Variants in RYR2 observed in about 807,000 individuals in gnomAD.
RYR2 encodes ryanodine receptor 2, also known as cardiac muscle ryanodine receptor-calcium release channel.
RYR2 carries 227 observed loss-of-function variants against 601.1 expected under a neutral mutation model. That is an observed-to-expected ratio of 0.38 (90% CI 0.34 to 0.42). The LOEUF (loss-of-function observed/expected upper bound fraction) is 0.42. Among genes scored for constraint, RYR2 ranks in the 10% least tolerant of loss-of-function variants. The pLI is 1.00. For missense variants in RYR2, 4,646 were observed against 6,156.5 expected, an observed-to-expected ratio of 0.75 and a Z score of 8.21; for synonymous variants, 2,223 against 2,175.1, an observed-to-expected ratio of 1.02 and a Z score of -0.61.
intron 2 of RYR2, among the ~76,000 whole-genome samples, chr1:237,290,450 T>G (rs1692074558): frequency 6.6e-6 from 1 of 152,204 alleles, no homozygotes; most frequent in Non-Finnish European, 1.5e-5. Context: ...GATGATTAGA[T>G]GATTGTAGAA....
intron 20 of RYR2, among the ~76,000 whole-genome samples, 151 bp from the exon 21 acceptor site, chr1:237,500,559 AC>A: frequency 6.6e-6 from 1 of 152,330 alleles, no homozygotes; most frequent in African/African-American, 2.4e-5. Flanking sequence ...AAAGAGTTTA[AC>A]ATGTAACATG....
intron 29 of RYR2, among the ~76,000 whole-genome samples, chr1:237,583,804 T>A (rs1419364214): frequency 6.6e-6 from 1 of 152,164 alleles, no homozygotes; most frequent in East Asian, 1.9e-4. Context: ...TGCCCCTACA[T>A]CTTTGGGACT....
intron 2 of RYR2, among the ~76,000 whole-genome samples, chr1:237,327,048 A>G (rs1371149017): frequency 6.6e-6 from 1 of 152,228 alleles, no homozygotes; most frequent in Non-Finnish European, 1.5e-5. Context: ...GGTACAAATT[A>G]TGCTGATGAT....
At position 237,364,594 on chromosome 1, in the gene RYR2, C is replaced by T. The variant is rs76272859; in HGVS notation, c.309+222C>T. Reference sequence around the variant, plus strand: ...AATCCATGTAACTTTTCTTCACATGCTTTTAAAAGGTTTTTAAAAATCAAG... The same window carrying T: ...AATCCATGTAACTTTTCTTCACATGTTTTTAAAAGGTTTTTAAAAATCAAG... On this transcript the variant is annotated intron_variant, in intron 5 of 104. Coordinates refer to ENST00000366574, the MANE Select transcript of RYR2 (RefSeq NM_001035.3). Among the ~76,000 whole-genome samples the T allele has an allele frequency of 1.7e-3, 258 of 152,096 alleles. 3 individuals are homozygous for T. In the East Asian group the frequency reaches 0.026, roughly 16 times the overall value.
intron 19 of RYR2, among the ~76,000 whole-genome samples, chr1:237,495,163 T>C (rs1445792782): frequency 6.6e-6 from 1 of 152,194 alleles, no homozygotes; most frequent in Non-Finnish European, 1.5e-5. Context: ...ACTTTACATT[T>C]ATTCTATTAT....
At chr1:237,617,177 CT>C in intron 37 of RYR2, 108 bp from the exon 38 acceptor site, 4 of 1,014,244 alleles carry the variant, frequency 3.9e-6, no homozygotes, top group Non-Finnish European at 5.7e-6. Flanking sequence ...GATTCTGTTT[CT>C]AAGAGAGAAG....
intron 35 of RYR2, among the ~76,000 whole-genome samples, chr1:237,602,375 G>T (rs955882): frequency 6.6e-6 from 1 of 151,706 alleles, no homozygotes; most frequent in Non-Finnish European, 1.5e-5. Flanking sequence ...ACACATTGCA[G>T]CAGTCATTGA....
chr1:237,458,462 T>G (rs1659097173), intron 16 of RYR2, among the ~76,000 whole-genome samples: 1 of 152,084 alleles, frequency 6.6e-6, no homozygotes, highest in African/African-American at 2.4e-5. Context: ...ATTCTTGATG[T>G]TTCTCCCAAC....
At chr1:237,471,313 A>G (rs2150313519) in intron 17 of RYR2, 1 of 152,328 alleles carries the variant, frequency 6.6e-6, no homozygotes, top group African/African-American at 2.4e-5. Flanking sequence ...GCTCTTTGTT[A>G]GAAAAGAACA....
chr1:237,317,507 A>G (rs1207858403), intron 2 of RYR2, among the ~76,000 whole-genome samples: 1 of 152,064 alleles, frequency 6.6e-6, no homozygotes, highest in African/African-American at 2.4e-5. Context: ...AGTATATAGG[A>G]TAGCTGATTT....
At chr1:237,706,277 G>A (rs963442800) in intron 67 of RYR2, among the ~76,000 whole-genome samples, 7 of 152,032 alleles carry the variant, frequency 4.6e-5, no homozygotes, top group African/African-American at 1.7e-4. Flanking sequence ...GTTCAGCAAG[G>A]AGAAGAGAGT....
Position 237,496,722 on chromosome 1 carries a change from T to TATGGATTTG in RYR2, c.2178_2186dup (p.Phe727_Gly729dup). 6.2e-7 allele frequency: 1 copy of TATGGATTTG among 1,613,886 alleles called. No homozygotes were observed. The highest frequency in any genetic ancestry group is 8.5e-7 in the Non-Finnish European group (1 of 1,179,794). On this transcript the variant is annotated inframe_insertion, in exon 20 of 105. Transcript: ENST00000366574. ...TGGTGTTGGAGATGATCTCTTCTCC[T>TATGGATTTG]ATGGATTTGATGGCCTTCATCTCTG...
At chr1:237,595,803 C>G (rs1675834035) in intron 34 of RYR2, 146 bp downstream of exon 34, 2 of 899,206 alleles carry the variant, frequency 2.2e-6, no homozygotes, top group African/African-American at 3.4e-5. Context: ...AGACCTGCCC[C>G]TAGCAAGCCC....
At chr1:237,635,111 A>T (rs1219697772) in intron 44 of RYR2, 119 bp downstream of exon 44, 2 of 714,436 alleles carry the variant, frequency 2.8e-6, no homozygotes, top group African/African-American at 3.6e-5. Context: ...ATGTGACATT[A>T]TGGCCAAAAC....
At chr1:237,490,414 C>T (rs79496423) in intron 17 of RYR2, among the ~76,000 whole-genome samples, 4,607 of 152,182 alleles carry the variant, frequency 0.03, 100 homozygotes, top group Non-Finnish European at 0.047. Context: ...ACAAAAACAT[C>T]GGGATAGCAT....
chr1:237,216,349 A>T (rs1052510293), intron 1 of RYR2, among the ~76,000 whole-genome samples: 1 of 152,182 alleles, frequency 6.6e-6, no homozygotes, highest in African/African-American at 2.4e-5. Context: ...ATGATTTTTT[A>T]AAAAATCACT....
In RYR2 at chr1:237,677,105, T is replaced by C. The variant is rs527653913; in HGVS notation, c.8831-943T>C. Among the ~76,000 whole-genome samples, 9 of 152,284 alleles carry C rather than the reference T, an allele frequency of 5.9e-5. No individual in the cohort carries two copies. The South Asian group carries it at 1.9e-3, about 32-fold the overall frequency. ...AATAATTGCATAAGTTTCCTATAAA[T>C]TATATTGTATTTTTGTCTAAAATTT... On this transcript the variant is annotated intron_variant, in intron 60 of 104. Coordinates refer to ENST00000366574, the MANE Select transcript of RYR2 (RefSeq NM_001035.3).
chr1:237,323,188 A>G (rs772607854), intron 2 of RYR2, among the ~76,000 whole-genome samples: 1 of 152,154 alleles, frequency 6.6e-6, no homozygotes, highest in Non-Finnish European at 1.5e-5. Context: ...TTTATCATGA[A>G]TAAAAAGATA....
chr1:237,706,453 G>A (rs1405826688), intron 67 of RYR2, among the ~76,000 whole-genome samples: 6 of 152,152 alleles, frequency 3.9e-5, no homozygotes, highest in African/African-American at 1.4e-4. Context: ...ACAGTGAAAA[G>A]CAGCTTTGTT....
Sources: gnomAD v4.1 joint callset for allele counts (sites outside exome capture counted in the v4.1 genomes callset) on GRCh38, gnomAD v4.1.1 for gene constraint, MANE v1.5 for transcripts, NCBI Gene and HGNC (gene_info 2026-07-23, HGNC 2026-07-21) for gene names.